Variants in GPHN observed in about 807,000 individuals in gnomAD.
GPHN encodes the protein gephyrin.
Under a neutral mutation model 95.5 loss-of-function variants are expected in GPHN, and 17 were observed. That is an observed-to-expected ratio of 0.18 (90% CI 0.12 to 0.27). The LOEUF (loss-of-function observed/expected upper bound fraction) is 0.27. GPHN is among the 10% of genes least tolerant of loss of function. The pLI, the probability that GPHN is intolerant of heterozygous loss-of-function variation, is 1.00. For synonymous variants in GPHN, 320 were observed against 322.5 expected, an observed-to-expected ratio of 0.99 and a Z score of 0.08; for missense variants, 660 against 978.1, an observed-to-expected ratio of 0.67 and a Z score of 4.34.
chr14:67,531,334 A>AAAAAGT, the GPHN span, among the ~76,000 whole-genome samples: 1 of 152,252 alleles, frequency 6.6e-6, no homozygotes, highest in South Asian at 2.1e-4. Context: ...TCACATAGCT[A>AAAAAGT]AAAAGTGGAA....
At chr14:66,525,889 C>G (rs987649883) in intron 1 of GPHN, among the ~76,000 whole-genome samples, 2 of 152,066 alleles carry the variant, frequency 1.3e-5, no homozygotes, top group Non-Finnish European at 2.9e-5. Context: ...GTTACTGTAG[C>G]CTTGTAGTAT....
At chr14:67,719,515 C>T in the GPHN span, among the ~76,000 whole-genome samples, 2 of 152,034 alleles carry the variant, frequency 1.3e-5, no homozygotes, top group Non-Finnish European at 2.9e-5. Context: ...TGCTCTGTTG[C>T]CCAGGCTGGA....
At position 66,561,272 on chromosome 14, in the gene GPHN, G is replaced by T. The variant is rs560226379; in HGVS notation, c.64+52681G>T. Among the ~76,000 whole-genome samples, 28 of 152,290 alleles carry T rather than the reference G, an allele frequency of 1.8e-4. No individual in the cohort carries two copies. In the East Asian group the frequency reaches 4.4e-3, roughly 24 times the overall value. The stretch of plus-strand genomic sequence containing the variant: ...TGGCCTCATAAAATGAGGTAGGGAG[G>T]ATTCCCTCTTTTTCTATTGATTGGA... On this transcript the variant is annotated intron_variant, in intron 1 of 22. Coordinates refer to ENST00000478722, the MANE Select transcript of GPHN (RefSeq NM_020806.5).
chr14:66,878,296 T>G (rs1024670264), intron 4 of GPHN, among the ~76,000 whole-genome samples: 3 of 151,004 alleles, frequency 2.0e-5, no homozygotes, highest in African/African-American at 7.2e-5. Flanking sequence ...GCAATACCAT[T>G]CAAACATGGG....
chr14:66,891,143 CT>C (rs201710928), intron 5 of GPHN, among the ~76,000 whole-genome samples: 2,406 of 146,810 alleles, frequency 0.016, 36 homozygotes, highest in Non-Finnish European at 0.019. Flanking sequence ...GTAAACCTAT[CT>C]TTTTTTTTTT....
At chr14:67,528,931 A>C in the GPHN span, among the ~76,000 whole-genome samples, 1 of 152,070 alleles carries the variant, frequency 6.6e-6, no homozygotes, top group African/African-American at 2.4e-5. Flanking sequence ...TTAAGACATG[A>C]GGTTAGATTT....
At chr14:67,195,328 C>G in the GPHN span, among the ~76,000 whole-genome samples, 2 of 152,098 alleles carry the variant, frequency 1.3e-5, no homozygotes, top group South Asian at 4.1e-4. Flanking sequence ...TCTCTGTGTC[C>G]TGAATCCACA....
At chr14:66,620,909 T>G (rs2063262958) in intron 1 of GPHN, among the ~76,000 whole-genome samples, 1 of 152,134 alleles carries the variant, frequency 6.6e-6, no homozygotes, top group Non-Finnish European at 1.5e-5. Flanking sequence ...ATGGGAGAAA[T>G]TGGCCAAAAC....
the GPHN span, among the ~76,000 whole-genome samples, chr14:67,726,735 G>C: frequency 1.0e-3 from 156 of 152,338 alleles, 2 homozygotes; most frequent in African/African-American, 3.5e-3. Context: ...AAGCCAGCAG[G>C]TGGGTCAAGG....
chr14:67,714,387 T>G, the GPHN span, among the ~76,000 whole-genome samples: 1 of 152,216 alleles, frequency 6.6e-6, no homozygotes, highest in Non-Finnish European at 1.5e-5. Context: ...TCCTCCTGCC[T>G]TGGCCTCCCA....
At chr14:67,040,245 T>A (rs886953753) in intron 10 of GPHN, among the ~76,000 whole-genome samples, 1 of 152,070 alleles carries the variant, frequency 6.6e-6, no homozygotes, top group African/African-American at 2.4e-5. Context: ...TCATCCAGAC[T>A]CCCCCAAATG....
chr14:66,965,882 T>G (rs2069290025), intron 9 of GPHN, among the ~76,000 whole-genome samples: 1 of 151,602 alleles, frequency 6.6e-6, no homozygotes, highest in Non-Finnish European at 1.5e-5. Context: ...TTCTTAGTCT[T>G]TTTTTTTATA....
chr14:67,184,187 A>G (rs949388348), downstream of GPHN, among the ~76,000 whole-genome samples: 8 of 152,204 alleles, frequency 5.3e-5, no homozygotes, highest in Admixed American at 5.2e-4. Context: ...AAGACTGAAA[A>G]AGTACTGATT....
the GPHN span, among the ~76,000 whole-genome samples, chr14:67,426,695 C>T: frequency 1.1e-4 from 16 of 152,218 alleles, no homozygotes; most frequent in Non-Finnish European, 1.8e-4. Context: ...CCTGCCTTAG[C>T]CTTCCAAGTA....
At chr14:66,766,682 T>A (rs1239359503) in intron 2 of GPHN, among the ~76,000 whole-genome samples, 1 of 152,024 alleles carries the variant, frequency 6.6e-6, no homozygotes, top group Non-Finnish European at 1.5e-5. Flanking sequence ...AAATACTGAT[T>A]GAGAATTTTG....
chr14:66,992,283 A>C (rs2071483454), intron 9 of GPHN, among the ~76,000 whole-genome samples: 1 of 152,192 alleles, frequency 6.6e-6, no homozygotes, highest in African/African-American at 2.4e-5. Context: ...AGTGAAACTA[A>C]GATGGAAAGT....
At chr14:67,520,149 G>A in the GPHN span, among the ~76,000 whole-genome samples, 2 of 152,158 alleles carry the variant, frequency 1.3e-5, no homozygotes, top group Admixed American at 1.3e-4. Flanking sequence ...CACCAGAGTC[G>A]TATATTTGTT....
chr14:67,387,164 T>C, the GPHN span: 1 of 585,414 alleles, frequency 1.7e-6, no homozygotes, highest in South Asian at 2.6e-5. Context: ...GGGAAGGAAA[T>C]GGCACCACTG....
chr14:67,037,819 T>C (rs2074499765), intron 10 of GPHN, among the ~76,000 whole-genome samples: 1 of 151,312 alleles, frequency 6.6e-6, no homozygotes, highest in Non-Finnish European at 1.5e-5. Flanking sequence ...TTGGTGATCA[T>C]AGGGAGAAAT....
Sources: gnomAD v4.1 joint callset for allele counts (sites outside exome capture counted in the v4.1 genomes callset) on GRCh38, gnomAD v4.1.1 for gene constraint, MANE v1.5 for transcripts, NCBI Gene and HGNC (gene_info 2026-07-23, HGNC 2026-07-21) for gene names.